PCDHA1: variants seen among roughly 807,000 people sequenced by gnomAD.
PCDHA1 encodes the protein protocadherin alpha-1.
Under a neutral mutation model 61.3 loss-of-function variants are expected in PCDHA1, and 42 were observed. The ratio of observed to expected loss-of-function variants is 0.69; its 90% CI spans 0.54 to 0.89. The LOEUF is 0.89. Among genes scored for constraint, PCDHA1 ranks in the 40% least tolerant of loss-of-function variants. The pLI is 0.00. For missense variants in PCDHA1, 1,256 were observed against 1,235.3 expected, an observed-to-expected ratio of 1.02 and a Z score of -0.25; for synonymous variants, 610 against 553.8, an observed-to-expected ratio of 1.10 and a Z score of -1.43.
At chr5:140,829,352 T>C (rs2150166449) in intron 1 of PCDHA1, 1 of 1,614,230 alleles carries the variant, frequency 6.2e-7, no homozygotes, top group Non-Finnish European at 8.5e-7. Flanking sequence ...CGTGTCGGCC[T>C]ATGAGTTGGT....
At chr5:140,842,501 C>T in intron 1 of PCDHA1, 1 of 1,613,826 alleles carries the variant, frequency 6.2e-7, no homozygotes, top group Non-Finnish European at 8.5e-7. Flanking sequence ...GCCCCATGTC[C>T]CCTTCAAGCT....
chr5:140,982,609 G>A, intron 3 of PCDHA1, 46 bp downstream of exon 3: 1 of 1,600,864 alleles, frequency 6.2e-7, no homozygotes, highest in East Asian at 2.2e-5. Context: ...TCTGGAAAGT[G>A]ATCAGATGAC....
intron 1 of PCDHA1, among the ~76,000 whole-genome samples, chr5:140,895,531 A>T (rs1433375510): frequency 6.6e-6 from 1 of 152,016 alleles, no homozygotes; most frequent in Non-Finnish European, 1.5e-5. Flanking sequence ...TTCGTTTTTC[A>T]ATTGTTGAGT....
At chr5:140,885,981 G>A (rs536900560) in intron 1 of PCDHA1, among the ~76,000 whole-genome samples, 44 of 151,942 alleles carry the variant, frequency 2.9e-4, no homozygotes, top group African/African-American at 8.4e-4. Context: ...TTATAGATTC[G>A]CATGTGGTTG....
At chr5:140,827,578 T>C (rs1769338145) in intron 1 of PCDHA1, among the ~76,000 whole-genome samples, 1 of 152,224 alleles carries the variant, frequency 6.6e-6, no homozygotes, top group African/African-American at 2.4e-5. Context: ...TATAATAGCA[T>C]GTCCTAGGAA....
intron 3 of PCDHA1, among the ~76,000 whole-genome samples, chr5:140,983,986 G>A (rs1475891501): frequency 2.0e-5 from 3 of 152,176 alleles, no homozygotes; most frequent in African/African-American, 7.2e-5. Context: ...ACGAGTTGAA[G>A]CAATTCATTA....
At chr5:140,812,829 T>G (rs1222229983) in intron 1 of PCDHA1, 2 of 152,234 alleles carry the variant, frequency 1.3e-5, no homozygotes, top group African/African-American at 4.8e-5. Context: ...GTTTTCATTT[T>G]TGTTTATCTT....
At chr5:140,791,910 T>C (rs371326721) in intron 1 of PCDHA1, among the ~76,000 whole-genome samples, 1 of 152,164 alleles carries the variant, frequency 6.6e-6, no homozygotes, top group Non-Finnish European at 1.5e-5. Flanking sequence ...CGTTAAGGGA[T>C]ATACAGTTCC....
At chr5:140,915,572 C>T (rs2077180575) in intron 1 of PCDHA1, among the ~76,000 whole-genome samples, 1 of 152,106 alleles carries the variant, frequency 6.6e-6, no homozygotes, top group Admixed American at 6.6e-5. Context: ...ATCTGGATTG[C>T]CAGGCAAAAG....
At chr5:140,883,760 C>T (rs199864330) in intron 1 of PCDHA1, 18 of 1,612,790 alleles carry the variant, frequency 1.1e-5, no homozygotes, top group Non-Finnish European at 1.4e-5. Context: ...GGTGGAGCGG[C>T]GGGTGGGCGA....
intron 1 of PCDHA1, among the ~76,000 whole-genome samples, chr5:140,885,682 A>G (rs1367880744): frequency 6.6e-6 from 1 of 152,194 alleles, no homozygotes; most frequent in Non-Finnish European, 1.5e-5. Flanking sequence ...TTCTATCTCA[A>G]GAAGCAATAG....
Position 140,857,453 on chromosome 5 carries a change from C to A in PCDHA1, c.2394+68769C>A, listed in dbSNP as rs545328956. On this transcript the variant is annotated intron_variant, in intron 1 of 3. Coordinates refer to ENST00000504120, the MANE Select transcript of PCDHA1 (RefSeq NM_018900.4). ...GGTGTTCGTGAAGGAGAACAACCCG[C>A]CAGGCTGCCACATCTTCACGGTGTC... 1 of 1,598,604 alleles carries A rather than the reference C, an allele frequency of 6.3e-7. No individual in the cohort carries two copies. The highest frequency in any genetic ancestry group is 1.1e-5 in the South Asian group (1 of 90,558).
At chr5:140,864,164 C>T (rs80100422) in intron 1 of PCDHA1, 19,126 of 151,926 alleles carry the variant, frequency 0.13, 1,273 homozygotes, top group Middle Eastern at 0.19. Context: ...TAAATCTTAC[C>T]GGAAGGATCA....
Position 140,857,830 on chromosome 5 carries a change from C to G in PCDHA1, c.2394+69146C>G, listed in dbSNP as rs782060681. On this transcript the variant is annotated intron_variant, in intron 1 of 3. Coordinates refer to ENST00000504120, the MANE Select transcript of PCDHA1 (RefSeq NM_018900.4). ...CGGGTCACGTGGTGGCTAAGGTGCG[C>G]GCAGTGGACGCTGACTCTGGATACA... is the stretch of plus-strand genomic sequence containing the variant. 1.6e-5 allele frequency: 26 copies of G among 1,597,596 alleles called. 3 individuals carry two copies. The highest frequency in any genetic ancestry group is 2.1e-5 in the Non-Finnish European group (25 of 1,167,516).
At chr5:140,875,304 A>AC in intron 1 of PCDHA1, 4 of 1,416,396 alleles carry the variant, frequency 2.8e-6, no homozygotes, top group Non-Finnish European at 3.7e-6. Flanking sequence ...TTTTCTCCGC[A>AC]CCCACATTCC....
intron 1 of PCDHA1, chr5:140,876,755 G>C (rs782037862): frequency 1.9e-6 from 3 of 1,614,248 alleles, no homozygotes; most frequent in Non-Finnish European, 1.7e-6. Flanking sequence ...GTGACTGCGC[G>C]GGATGGGGGC....
At chr5:140,847,770 T>C (rs2150403735) in intron 1 of PCDHA1, 3 of 149,954 alleles carry the variant, frequency 2.0e-5, no homozygotes, top group African/African-American at 7.3e-5. Context: ...TTAAAGTCAA[T>C]TCTCGCTTTT....
chr5:140,852,885 ATTT>A, intron 1 of PCDHA1: 4 of 778,030 alleles, frequency 5.1e-6, no homozygotes, highest in Non-Finnish European at 6.3e-6. Flanking sequence ...CATAAAACGT[ATTT>A]TTTTTTTTGA....
chr5:140,850,812 A>C, intron 1 of PCDHA1: 1 of 1,598,316 alleles, frequency 6.3e-7, no homozygotes, highest in Non-Finnish European at 8.6e-7. Flanking sequence ...CATGGCCTTC[A>C]GCCCGGGCCT....
Sources: gnomAD v4.1 joint callset for allele counts (sites outside exome capture counted in the v4.1 genomes callset) on GRCh38, gnomAD v4.1.1 for gene constraint, MANE v1.5 for transcripts, NCBI Gene and HGNC (gene_info 2026-07-23, HGNC 2026-07-21) for gene names.